TBC1D22A: variants seen among roughly 807,000 people sequenced by gnomAD.
TBC1D22A encodes the protein putative GTPase activator.
A neutral mutation model predicts 60.2 loss-of-function variants in TBC1D22A; 38 were observed. The observed-to-expected ratio is 0.63, with a 90% CI of 0.49 to 0.83. TBC1D22A has a LOEUF of 0.83. TBC1D22A is among the 40% of genes least tolerant of loss of function. The pLI is 0.00. For synonymous variants in TBC1D22A, 302 were observed against 281.7 expected (o/e 1.07, Z -0.72); for missense variants, 628 against 701.0 (o/e 0.90, Z 1.18).
At chr22:46,886,919 G>A (rs1359852994) in intron 5 of TBC1D22A, among the ~76,000 whole-genome samples, 1 of 152,208 alleles carries the variant, frequency 6.6e-6, no homozygotes, top group Non-Finnish European at 1.5e-5. Flanking sequence ...GTGGTGGGCC[G>A]TAGTTTGCTG....
chr22:47,076,406 CACAT>C lies in TBC1D22A; in HGVS notation c.1330-35100_1330-35097del, dbSNP rs1307414780. Among the ~76,000 whole-genome samples the C allele has an allele frequency of 2.3e-3, 252 of 110,858 alleles. 2 individuals are homozygous for C. The highest frequency in any genetic ancestry group is 4.9e-3 in the Middle Eastern group (1 of 204). 72.7% of individuals were successfully genotyped at this position (110,858 alleles called of 152,430 possible). A position where few individuals can be genotyped will look rare whatever the true frequency, so the allele number is the denominator to read the frequency against. ...ACACACACACACACACACACACACA[CACAT>C]ATATATATATATATGTTTTCCCATG... On this transcript the variant is annotated intron_variant, in intron 11 of 12. Transcript: ENST00000337137.
At chr22:46,774,220 A>G in intron 1 of TBC1D22A, 1 of 985,536 alleles carries the variant, frequency 1.0e-6, no homozygotes, top group Non-Finnish European at 1.2e-6. Flanking sequence ...GGCAGCAGAG[A>G]TTCTTCTGGA....
intron 4 of TBC1D22A, among the ~76,000 whole-genome samples, chr22:46,823,436 T>G (rs1238567128): frequency 6.6e-6 from 1 of 152,224 alleles, no homozygotes; most frequent in Non-Finnish European, 1.5e-5. Context: ...GTACCCTACC[T>G]GCCATTTGAG....
chr22:46,852,492 A>G (rs882442), intron 4 of TBC1D22A, among the ~76,000 whole-genome samples: 45,313 of 152,058 alleles, frequency 0.3, 6,768 homozygotes, highest in East Asian at 0.33. Flanking sequence ...TGGGATCCTG[A>G]TAACGTTTGT....
intron 11 of TBC1D22A, among the ~76,000 whole-genome samples, chr22:47,086,183 G>A (rs2147589367): frequency 6.6e-6 from 1 of 152,316 alleles, no homozygotes; most frequent in South Asian, 2.1e-4. Flanking sequence ...AGCCATGGCT[G>A]GCCGAGCGCG....
intron 8 of TBC1D22A, among the ~76,000 whole-genome samples, chr22:46,921,747 A>G (rs1204636233): frequency 4.7e-5 from 7 of 149,212 alleles, no homozygotes; most frequent in Non-Finnish European, 5.9e-5. Context: ...CCTCCACAGC[A>G]TCTGTTTTTT....
At chr22:46,847,952 TGTGC>T (rs748557881) in intron 4 of TBC1D22A, among the ~76,000 whole-genome samples, 11,428 of 125,598 alleles carry the variant, frequency 0.091, 540 homozygotes, top group Non-Finnish European at 0.12. Context: ...TGTGTGTGTG[TGTGC>T]GCGCGCGCAC....
At chr22:46,932,720 CTTTTTTTT>C (rs67463903) in intron 8 of TBC1D22A, among the ~76,000 whole-genome samples, 5 of 66,324 alleles carry the variant, frequency 7.5e-5, no homozygotes, top group Admixed American at 3.8e-4. Context: ...GTCCTTCTTG[CTTTTTTTT>C]TTTTTTTTTT....
chr22:46,864,437 GCTGT>G lies in TBC1D22A; in HGVS notation c.638-14211_638-14208del, dbSNP rs1454860533. Among the ~76,000 whole-genome samples, 5 of 152,308 alleles carry G rather than the reference GCTGT, an allele frequency of 3.3e-5. No individual in the cohort carries two copies. The South Asian group carries it at 8.3e-4, about 25-fold the overall frequency. On this transcript the variant is annotated intron_variant, in intron 4 of 12. Coordinates refer to ENST00000337137, the MANE Select transcript of TBC1D22A (RefSeq NM_014346.5). Reference sequence around the variant, plus strand: ...ATCAGGGAAACCAGTTTCCCTCCTGGCTGTCTGTGGAAGTGAAACCTTGTTGAAA... The same window carrying G: ...ATCAGGGAAACCAGTTTCCCTCCTGGCTGTGGAAGTGAAACCTTGTTGAAA...
intron 11 of TBC1D22A, among the ~76,000 whole-genome samples, chr22:47,052,232 G>C (rs2063248904): frequency 6.6e-6 from 1 of 152,240 alleles, no homozygotes; most frequent in Admixed American, 6.5e-5. Context: ...TTGAATACTT[G>C]AGTCCATCAG....
intron 8 of TBC1D22A, among the ~76,000 whole-genome samples, chr22:46,924,511 C>G (rs2070935304): frequency 6.6e-6 from 1 of 152,162 alleles, no homozygotes; most frequent in African/African-American, 2.4e-5. Context: ...AATCCCAGCA[C>G]TTTGGGAGGC....
chr22:46,763,481 C>T (rs755668848), intron 1 of TBC1D22A: 2 of 127,026 alleles, frequency 1.6e-5, no homozygotes, highest in Non-Finnish European at 3.1e-5. Context: ...CTCCAGAGCT[C>T]CAGAGTCCTT....
rs188713442 is a variant in TBC1D22A at position 47,009,774 on chromosome 22, T to C, written c.1201+12065T>C. ...TCAACAAACTGTACAGCAGGATGGG[T>C]CCATGGTGGGGCTGAGTGTTGGAAG... On this transcript the variant is annotated intron_variant, in intron 10 of 12. Coordinates refer to ENST00000337137, the MANE Select transcript of TBC1D22A (RefSeq NM_014346.5). The surrounding 1 kb of genome is among the most constrained non-coding windows in gnomAD (Gnocchi z 5.8). Among the ~76,000 whole-genome samples the C allele has an allele frequency of 6.6e-6, 1 of 152,314 alleles. No homozygotes were observed. Among genetic ancestry groups the C allele is most frequent in the East Asian group, 1.9e-4 (1 of 5,184 alleles).
At chr22:46,994,641 C>T (rs1245038013) in intron 9 of TBC1D22A, among the ~76,000 whole-genome samples, 3 of 152,214 alleles carry the variant, frequency 2.0e-5, no homozygotes, top group Admixed American at 6.5e-5. Context: ...CGGAATAGGA[C>T]ATTCATTAAA....
Position 46,977,787 on chromosome 22 carries a change from G to A in TBC1D22A, c.1125+3388G>A, listed in dbSNP as rs948174190. 3.3e-5 allele frequency among the ~76,000 whole-genome samples: 5 copies of A among 152,164 alleles called. No individual in the cohort carries two copies. The East Asian group carries it at 9.6e-4, about 29-fold the overall frequency. On this transcript the variant is annotated intron_variant, in intron 9 of 12. Coordinates refer to ENST00000337137, the MANE Select transcript of TBC1D22A (RefSeq NM_014346.5). ...CTGGAGGTGGAGGGAGGGGTTGGGG[G>A]AGGTGCCACACACTTTTAAACAACC...
At chr22:46,868,665 T>C (rs1326190043) in intron 4 of TBC1D22A, among the ~76,000 whole-genome samples, 1 of 152,252 alleles carries the variant, frequency 6.6e-6, no homozygotes, top group African/African-American at 2.4e-5. Context: ...TTGATATTTC[T>C]AAATACTATG....
intron 11 of TBC1D22A, among the ~76,000 whole-genome samples, chr22:47,045,969 G>C (rs2063018412): frequency 6.6e-6 from 1 of 152,224 alleles, no homozygotes. Context: ...GAAAGCAGCA[G>C]GTCTTAGTGG....
At chr22:47,021,598 A>C (rs1051028693) in intron 10 of TBC1D22A, among the ~76,000 whole-genome samples, 1 of 151,934 alleles carries the variant, frequency 6.6e-6, no homozygotes, top group African/African-American at 2.4e-5. Flanking sequence ...AGCCCTGAGC[A>C]GGGAACCTAG....
chr22:46,815,706 G>A (rs1054866968), intron 4 of TBC1D22A, among the ~76,000 whole-genome samples: 2 of 152,198 alleles, frequency 1.3e-5, no homozygotes, highest in Admixed American at 1.3e-4. Context: ...ATTTGTGAGT[G>A]GTGCTCCCTG....
Sources: allele counts gnomAD v4.1 joint callset (sites outside exome capture counted in the v4.1 genomes callset), GRCh38; gene constraint gnomAD v4.1.1; non-coding constraint Gnocchi (gnomAD v3.1); transcripts MANE v1.5; gene names NCBI Gene and HGNC (gene_info 2026-07-23, HGNC 2026-07-21).